Variants in CDK14 observed in about 807,000 individuals in gnomAD.
CDK14 encodes the protein cyclin-dependent kinase 14.
CDK14 carries 34 observed loss-of-function variants against 60.7 expected under a neutral mutation model. The observed-to-expected ratio is 0.56, with a 90% CI of 0.43 to 0.75. CDK14 has a LOEUF of 0.75. CDK14 is among the 30% of genes least tolerant of loss of function. CDK14 has a pLI of 0.00. For synonymous variants in CDK14, 197 were observed against 203.7 expected, an observed-to-expected ratio of 0.97 and a Z score of 0.28; for missense variants, 482 against 564.1, an observed-to-expected ratio of 0.85 and a Z score of 1.47.
chr7:90,659,875 C>G (rs80147547), intron 2 of CDK14, among the ~76,000 whole-genome samples: 9,850 of 128,518 alleles, frequency 0.077, 468 homozygotes, highest in East Asian at 0.17. Flanking sequence ...CTCTCTCTCT[C>G]TGTGTGTGTG....
At chr7:90,720,108 A>G (rs1415582958) in intron 2 of CDK14, among the ~76,000 whole-genome samples, 1 of 152,222 alleles carries the variant, frequency 6.6e-6, no homozygotes, top group Admixed American at 6.5e-5. Flanking sequence ...CTATAAAATG[A>G]ATATAAGACA....
intron 10 of CDK14, among the ~76,000 whole-genome samples, chr7:90,999,007 A>T (rs548337815): frequency 4.4e-4 from 67 of 152,184 alleles, no homozygotes; most frequent in African/African-American, 1.5e-3. Context: ...CATCGTGGAG[A>T]GCATCAGATG....
intron 8 of CDK14, among the ~76,000 whole-genome samples, chr7:90,944,146 A>G (rs1350920689): frequency 1.3e-5 from 2 of 152,198 alleles, no homozygotes; most frequent in African/African-American, 2.4e-5. Flanking sequence ...CCAGATGCCA[A>G]TCAGATGCAG....
chr7:90,794,138 T>C (rs185844588), intron 5 of CDK14, among the ~76,000 whole-genome samples: 7 of 152,142 alleles, frequency 4.6e-5, no homozygotes, highest in Non-Finnish European at 8.8e-5. Flanking sequence ...AAGTTTTTAT[T>C]AGTGATTTTC....
At chr7:90,984,036 AAC>A in intron 9 of CDK14, 110 bp from the exon 10 acceptor site, 1 of 726,180 alleles carries the variant, frequency 1.4e-6, no homozygotes. Context: ...GGAAAAAGGA[AAC>A]AGTTTACTCA....
At chr7:90,915,084 C>T (rs1793033532) in intron 7 of CDK14, among the ~76,000 whole-genome samples, 1 of 152,042 alleles carries the variant, frequency 6.6e-6, no homozygotes, top group Non-Finnish European at 1.5e-5. Flanking sequence ...AGGAGCAGTT[C>T]CTGAGGAGAG....
intron 7 of CDK14, among the ~76,000 whole-genome samples, chr7:90,909,896 G>A (rs1249512966): frequency 1.3e-5 from 2 of 152,158 alleles, no homozygotes; most frequent in East Asian, 3.8e-4. Flanking sequence ...CAGAGTCTTA[G>A]GGATTGTAAC....
intron 4 of CDK14, among the ~76,000 whole-genome samples, chr7:90,784,632 T>A (rs950539410): frequency 1.3e-5 from 2 of 152,240 alleles, no homozygotes; most frequent in African/African-American, 4.8e-5. Flanking sequence ...TACTTTGATA[T>A]AGATTATGAC....
chr7:91,112,945 G>A (rs1799513167), intron 13 of CDK14, among the ~76,000 whole-genome samples: 1 of 151,934 alleles, frequency 6.6e-6, no homozygotes, highest in Non-Finnish European at 1.5e-5. Flanking sequence ...TAGCTTACCA[G>A]ACACAGGAAG....
chr7:90,604,334 C>A, intron 2 of CDK14, 85 bp downstream of exon 2: 3 of 688,400 alleles, frequency 4.4e-6, no homozygotes, highest in Admixed American at 3.9e-5. Flanking sequence ...TACCTGGAAA[C>A]AAAAAAAATG....
rs537603122 is a variant in CDK14 at position 91,016,289 on chromosome 7, C to T, written c.1042-29608C>T. 5.3e-5 allele frequency among the ~76,000 whole-genome samples: 8 copies of T among 151,904 alleles called. No homozygotes were observed. In the South Asian group the frequency reaches 1.4e-3, roughly 28 times the overall value. ...CTCTAACATGTTTGTTTCTACCAAT[C>T]ACCCTTTACACACGCCTCTCATTTT... On this transcript the variant is annotated intron_variant, in intron 10 of 14. Coordinates refer to ENST00000380050, the MANE Select transcript of CDK14 (RefSeq NM_001287135.2).
chr7:90,916,075 T>A (rs917858041), intron 7 of CDK14, among the ~76,000 whole-genome samples: 2 of 152,204 alleles, frequency 1.3e-5, no homozygotes, highest in African/African-American at 4.8e-5. Context: ...TTCGTTTTTT[T>A]AAAAGGCTTT....
At chr7:90,617,129 G>A (rs991245189) in intron 2 of CDK14, among the ~76,000 whole-genome samples, 13 of 152,102 alleles carry the variant, frequency 8.5e-5, no homozygotes, top group Non-Finnish European at 1.8e-4. Flanking sequence ...GCCATTGTAT[G>A]TAGAGTATGA....
At chr7:91,149,770 A>C (rs1800778495) in intron 14 of CDK14, among the ~76,000 whole-genome samples, 1 of 152,212 alleles carries the variant, frequency 6.6e-6, no homozygotes, top group Non-Finnish European at 1.5e-5. Flanking sequence ...AGAATTAACT[A>C]GGCCATATGG....
chr7:90,818,426 A>C (rs915215193), intron 5 of CDK14, among the ~76,000 whole-genome samples: 7 of 152,230 alleles, frequency 4.6e-5, no homozygotes, highest in Non-Finnish European at 1.0e-4. Context: ...ACTGCCAACC[A>C]CACAAATTTG....
chr7:91,060,832 A>G (rs768910079), intron 11 of CDK14, among the ~76,000 whole-genome samples: 2 of 151,798 alleles, frequency 1.3e-5, no homozygotes, highest in African/African-American at 4.8e-5. Context: ...TGCCCTTAAC[A>G]TTTTTTCCTT....
At chr7:90,708,099 T>C (rs990592412) in intron 2 of CDK14, among the ~76,000 whole-genome samples, 2 of 152,166 alleles carry the variant, frequency 1.3e-5, no homozygotes, top group African/African-American at 4.8e-5. Flanking sequence ...GCCCTAAAAT[T>C]TGGAGTTGGG....
At chr7:90,676,527 A>ATTTT (rs60056655) in intron 2 of CDK14, among the ~76,000 whole-genome samples, 1 of 142,038 alleles carries the variant, frequency 7.0e-6, no homozygotes. Context: ...TAGATGTTTC[A>ATTTT]TTTTTTTTTT....
intron 8 of CDK14, among the ~76,000 whole-genome samples, chr7:90,951,487 A>G (rs1182635184): frequency 2.0e-5 from 3 of 152,334 alleles, no homozygotes; most frequent in African/African-American, 7.2e-5. Flanking sequence ...GGAGTAAGTC[A>G]GTGTTGCCAC....
Sources: allele counts gnomAD v4.1 joint callset (sites outside exome capture counted in the v4.1 genomes callset), GRCh38; gene constraint gnomAD v4.1.1; transcripts MANE v1.5; gene names NCBI Gene and HGNC (gene_info 2026-07-23, HGNC 2026-07-21).